Variants in PACRG observed in about 807,000 individuals in gnomAD.
PACRG encodes parkin coregulated.
Under a neutral mutation model 29.7 loss-of-function variants are expected in PACRG, and 29 were observed. The ratio of observed to expected loss-of-function variants is 0.98; its 90% CI spans 0.73 to 1.33. PACRG has a LOEUF of 1.33. PACRG is among the 40% of genes most tolerant of loss of function. PACRG has a pLI of 0.00. For synonymous variants in PACRG, 116 were observed against 118.7 expected, an observed-to-expected ratio of 0.98 and a Z score of 0.15; for missense variants, 279 against 316.2, an observed-to-expected ratio of 0.88 and a Z score of 0.89.
intron 2 of PACRG, among the ~76,000 whole-genome samples, chr6:162,967,870 C>G (rs1256196279): frequency 6.6e-6 from 1 of 152,076 alleles, no homozygotes; most frequent in Non-Finnish European, 1.5e-5. Context: ...ATGAGTCTAT[C>G]AAACAAAACG....
chr6:163,309,778 C>T (rs1785338576), intron 4 of PACRG, among the ~76,000 whole-genome samples: 2 of 152,210 alleles, frequency 1.3e-5, no homozygotes, highest in African/African-American at 4.8e-5. Flanking sequence ...GACCTGACAA[C>T]TCTGCCTTCC....
intron 4 of PACRG, chr6:163,191,814 C>T (rs1228934657): frequency 6.6e-6 from 3 of 455,286 alleles, no homozygotes; most frequent in Non-Finnish European, 1.3e-5. Flanking sequence ...CCTTTTTTCT[C>T]TAAACCCTGT....
Position 162,875,687 on chromosome 6 carries a change from A to C in PACRG, c.291+61406A>C, listed in dbSNP as rs74438954. ...CTATGTCCAAGGCTGGTTTTCCCCC[A>C]AAAATTCTGCTGCAATAATTGTGTC... On this transcript the variant is annotated intron_variant, in intron 2 of 4. Coordinates refer to ENST00000366888, the MANE Select transcript of PACRG (RefSeq NM_001080379.2). 7.8e-3 allele frequency among the ~76,000 whole-genome samples: 1,181 copies of C among 152,322 alleles called. 13 individuals are homozygous for C. The highest frequency in any genetic ancestry group is 0.026 in the African/African-American group (1,092 of 41,580).
intron 1 of PACRG, among the ~76,000 whole-genome samples, chr6:162,752,229 A>G (rs6926602): frequency 0.045 from 6,839 of 152,208 alleles, 517 homozygotes; most frequent in African/African-American, 0.15. Context: ...GCAAAGCAAT[A>G]TTATGCATTT....
chr6:162,985,173 G>A (rs1276533122), intron 2 of PACRG, among the ~76,000 whole-genome samples: 1 of 152,002 alleles, frequency 6.6e-6, no homozygotes, highest in Non-Finnish European at 1.5e-5. Context: ...CCAAAAGATA[G>A]AGAAGAGGGA....
At chr6:163,103,342 G>A (rs2128315021) in intron 4 of PACRG, among the ~76,000 whole-genome samples, 1 of 152,180 alleles carries the variant, frequency 6.6e-6, no homozygotes, top group South Asian at 2.1e-4. Context: ...CACATTCCCT[G>A]GCCCATGACC....
At chr6:163,268,605 G>A (rs922750245) in intron 4 of PACRG, among the ~76,000 whole-genome samples, 1 of 151,986 alleles carries the variant, frequency 6.6e-6, no homozygotes, top group Admixed American at 6.6e-5. Flanking sequence ...TTTTTCTGAT[G>A]GCCAAATCCT....
intron 3 of PACRG, among the ~76,000 whole-genome samples, chr6:163,062,660 C>G (rs1811194988): frequency 1.3e-5 from 2 of 152,078 alleles, no homozygotes; most frequent in African/African-American, 2.4e-5. Flanking sequence ...TAAATGGCAT[C>G]TCTAATTTTT....
intron 3 of PACRG, among the ~76,000 whole-genome samples, chr6:163,081,057 C>G (rs187269501): frequency 1.3e-5 from 2 of 152,034 alleles, no homozygotes; most frequent in Non-Finnish European, 2.9e-5. Flanking sequence ...CAATTGAGCT[C>G]TGTTATGGAA....
rs149747624 is a variant in PACRG, at chr6:162,773,257, C to G, written c.157-40890C>G. Among the ~76,000 whole-genome samples the G allele has an allele frequency of 2.4e-3, 358 of 151,138 alleles. 1 individual carries two copies. Among genetic ancestry groups the G allele is most frequent in the African/African-American group, 8.2e-3 (340 of 41,476 alleles). ...AGAATTTCTATCTTATTTGTGTTTT[C>G]CAGTTGGGCAGCAGAGAATATCCTA... On this transcript the variant is annotated intron_variant, in intron 1 of 4. Coordinates refer to ENST00000366888, the MANE Select transcript of PACRG (RefSeq NM_001080379.2).
intron 3 of PACRG, among the ~76,000 whole-genome samples, chr6:163,069,946 GC>G (rs770939715): frequency 2.0e-5 from 3 of 152,120 alleles, no homozygotes; most frequent in Non-Finnish European, 4.4e-5. Flanking sequence ...ATTCAATGGA[GC>G]CCTAATACAT....
At chr6:162,957,378 G>T in intron 2 of PACRG, 1 of 615,620 alleles carries the variant, frequency 1.6e-6, no homozygotes, top group Non-Finnish European at 2.8e-6. Flanking sequence ...TTTTTGTTTT[G>T]GACAATCTCA....
chr6:162,995,426 T>C (rs565202614), intron 2 of PACRG, among the ~76,000 whole-genome samples: 1 of 152,200 alleles, frequency 6.6e-6, no homozygotes, highest in Admixed American at 6.5e-5. Context: ...GAGCCAGGTG[T>C]GGGATATAGT....
chr6:163,165,098 A>G (rs765979450), intron 4 of PACRG, among the ~76,000 whole-genome samples: 1 of 152,172 alleles, frequency 6.6e-6, no homozygotes, highest in Non-Finnish European at 1.5e-5. Flanking sequence ...CCAAGTGCCA[A>G]CACTCTACCA....
chr6:162,945,953 C>A (rs1013991326), intron 2 of PACRG, among the ~76,000 whole-genome samples: 9 of 152,072 alleles, frequency 5.9e-5, no homozygotes, highest in African/African-American at 1.7e-4. Flanking sequence ...TAAAAAATAT[C>A]TTGAAACAAA....
intron 3 of PACRG, among the ~76,000 whole-genome samples, chr6:163,077,296 C>T (rs988295503): frequency 1.3e-5 from 2 of 152,080 alleles, no homozygotes; most frequent in African/African-American, 2.4e-5. Flanking sequence ...AGAGGTGACC[C>T]TGGTTGCCAA....
At chr6:163,104,069 C>T (rs770387556) in intron 4 of PACRG, among the ~76,000 whole-genome samples, 14 of 152,022 alleles carry the variant, frequency 9.2e-5, no homozygotes, top group Non-Finnish European at 1.5e-4. Flanking sequence ...TTCATTGATC[C>T]GATTTAACAA....
At chr6:163,287,453 G>A (rs1022707900) in intron 4 of PACRG, among the ~76,000 whole-genome samples, 2 of 152,168 alleles carry the variant, frequency 1.3e-5, no homozygotes, top group Admixed American at 6.5e-5. Flanking sequence ...CCGCACACAC[G>A]GCCATGCTCA....
At chr6:162,771,615 A>G (rs766749333) in intron 1 of PACRG, among the ~76,000 whole-genome samples, 3 of 152,132 alleles carry the variant, frequency 2.0e-5, no homozygotes, top group Non-Finnish European at 4.4e-5. Flanking sequence ...AAACTATGTT[A>G]AAATTAACCA....
Sources: allele counts gnomAD v4.1 joint callset (sites outside exome capture counted in the v4.1 genomes callset), GRCh38; gene constraint gnomAD v4.1.1; transcripts MANE v1.5; gene names NCBI Gene and HGNC (gene_info 2026-07-23, HGNC 2026-07-21).